OSBPL10: variants seen among roughly 807,000 people sequenced by gnomAD.
OSBPL10 encodes the protein oxysterol-binding protein-related protein 10.
Under a neutral mutation model 81.7 loss-of-function variants are expected in OSBPL10, and 49 were observed. The observed-to-expected ratio is 0.60, with a 90% CI of 0.48 to 0.76. The LOEUF is 0.76. Ranked by LOEUF, OSBPL10 falls within the 30% of genes least tolerant of loss-of-function variation. The probability of loss-of-function intolerance (pLI) is 0.00; values close to 1 mark genes in which losing one functional copy is unlikely to be tolerated. For synonymous variants in OSBPL10, 419 were observed against 383.6 expected, an observed-to-expected ratio of 1.09 and a Z score of -1.08; for missense variants, 923 against 987.8, an observed-to-expected ratio of 0.93 and a Z score of 0.88.
At chr3:31,780,475 G>T (rs1238322092) in intron 4 of OSBPL10, among the ~76,000 whole-genome samples, 28 of 146,994 alleles carry the variant, frequency 1.9e-4, no homozygotes, top group South Asian at 1.1e-3. Context: ...GATCAGAATA[G>T]AACTAAATGA....
intron 2 of OSBPL10, among the ~76,000 whole-genome samples, chr3:31,993,137 AC>A (rs1352445411): frequency 1.3e-5 from 2 of 151,616 alleles, no homozygotes; most frequent in African/African-American, 2.4e-5. Flanking sequence ...TATTCAAAGA[AC>A]CCTCAAAATG....
At chr3:31,724,554 C>A (rs1197523742) in intron 6 of OSBPL10, among the ~76,000 whole-genome samples, 2 of 152,018 alleles carry the variant, frequency 1.3e-5, no homozygotes, top group East Asian at 3.9e-4. Context: ...AAAAACAACA[C>A]CCACCCAAGA....
chr3:32,009,606 G>A (rs1345438755), intron 2 of OSBPL10, among the ~76,000 whole-genome samples: 1 of 152,154 alleles, frequency 6.6e-6, no homozygotes, highest in African/African-American at 2.4e-5. Context: ...AAAAAGCAAG[G>A]ATGATATTAT....
chr3:31,986,786 G>T (rs183225335), intron 2 of OSBPL10, among the ~76,000 whole-genome samples: 6 of 152,170 alleles, frequency 3.9e-5, no homozygotes, highest in African/African-American at 1.2e-4. Context: ...TGAGATGGGA[G>T]GATTGCCCAG....
At chr3:31,864,943 T>C (rs1472020184) in intron 3 of OSBPL10, among the ~76,000 whole-genome samples, 1 of 151,696 alleles carries the variant, frequency 6.6e-6, no homozygotes, top group Non-Finnish European at 1.5e-5. Context: ...GAACATTAGC[T>C]CCTGCCTTCA....
chr3:31,743,751 G>A lies in OSBPL10; in HGVS notation c.940+4159C>T, dbSNP rs1283368866. Reference sequence around the variant, plus strand: ...TATTTGGTAATGCTTCAGGTAAGACGGGCCTTCCTGCCCATCGAACACTGA... The same window carrying A: ...TATTTGGTAATGCTTCAGGTAAGACAGGCCTTCCTGCCCATCGAACACTGA... On this transcript the variant is annotated intron_variant, in intron 5 of 11. Coordinates refer to ENST00000396556, the MANE Select transcript of OSBPL10 (RefSeq NM_017784.5). Among the ~76,000 whole-genome samples, 4 of 152,140 alleles carry A rather than the reference G, an allele frequency of 2.6e-5. No homozygotes were observed. The East Asian group carries it at 7.7e-4, about 29-fold the overall frequency.
chr3:32,025,246 T>C (rs994170508), intron 2 of OSBPL10, among the ~76,000 whole-genome samples: 3 of 152,244 alleles, frequency 2.0e-5, no homozygotes, highest in Admixed American at 6.5e-5. Context: ...TCTGTGAAGA[T>C]GATCATATCA....
At chr3:31,778,722 T>C (rs1433643493) in intron 4 of OSBPL10, among the ~76,000 whole-genome samples, 1 of 151,972 alleles carries the variant, frequency 6.6e-6, no homozygotes, top group African/African-American at 2.4e-5. Context: ...GGGAAATTCA[T>C]TGCAAAAAAA....
intron 8 of OSBPL10, among the ~76,000 whole-genome samples, chr3:31,682,542 C>T (rs1287597780): frequency 6.6e-6 from 1 of 152,236 alleles, no homozygotes; most frequent in Admixed American, 6.5e-5. Flanking sequence ...TGCCTTACCC[C>T]TCTTTGCCCG....
At position 32,068,533 on chromosome 3, in the gene OSBPL10, C is replaced by T. The variant is rs1363827293; in HGVS notation, n.185+8863G>A. Among the ~76,000 whole-genome samples, 6 of 152,192 alleles carry T rather than the reference C, an allele frequency of 3.9e-5. No individual in the cohort carries two copies. In the South Asian group the frequency reaches 6.2e-4, roughly 16 times the overall value. ...CTGTGTTCTCAAGAACCTAAAACCTCTTCAACTCTCGCCTGACCTAAAATC... is the reference window on the plus strand; with the variant it reads ...CTGTGTTCTCAAGAACCTAAAACCTTTTCAACTCTCGCCTGACCTAAAATC... On this transcript the variant is annotated intron_variant and non_coding_transcript_variant, in intron 1 of 3. Coordinates refer to the OSBPL10 transcript ENST00000479173.
Position 31,661,092 on chromosome 3 carries a change from T to C in OSBPL10, c.*980A>G, listed in dbSNP as rs1403667397. The C allele has an allele frequency of 2.0e-5, 3 of 152,780 alleles. 1 individual carries two copies. The South Asian group carries it at 6.2e-4, about 32-fold the overall frequency. 9.5% of individuals were successfully genotyped at this position (152,780 alleles called of 1,614,324 possible). On this transcript the variant is annotated 3_prime_UTR_variant, in exon 12 of 12. Coordinates refer to ENST00000396556, the MANE Select transcript of OSBPL10 (RefSeq NM_017784.5). ...CTGAAATTTAACTGAAACCATGGAA[T>C]ATTTATGCAGGCGTTATGTATGTTT... is the stretch of plus-strand genomic sequence containing the variant.
intron 1 of OSBPL10, among the ~76,000 whole-genome samples, chr3:32,074,915 C>T (rs960145656): frequency 6.6e-6 from 1 of 152,206 alleles, no homozygotes; most frequent in African/African-American, 2.4e-5. Flanking sequence ...TACCTGCCAA[C>T]TGGACAAGCA....
At chr3:31,818,876 C>T (rs1699915038) in intron 4 of OSBPL10, among the ~76,000 whole-genome samples, 1 of 152,210 alleles carries the variant, frequency 6.6e-6, no homozygotes, top group Non-Finnish European at 1.5e-5. Flanking sequence ...ACTGGCCTCC[C>T]CCCACTCCAC....
At chr3:31,797,766 A>G (rs767639403) in intron 4 of OSBPL10, 3 of 456,314 alleles carry the variant, frequency 6.6e-6, no homozygotes, top group South Asian at 3.1e-5. Flanking sequence ...AGAAAGATCA[A>G]CTGGGTTTGA....
intron 3 of OSBPL10, among the ~76,000 whole-genome samples, chr3:31,851,655 G>C (rs1246923909): frequency 6.6e-6 from 1 of 152,178 alleles, no homozygotes; most frequent in African/African-American, 2.4e-5. Context: ...CAGAGCACAG[G>C]GGAATAAAAT....
intron 3 of OSBPL10, among the ~76,000 whole-genome samples, chr3:31,837,324 TATATATATATATATA>T: frequency 3.0e-4 from 1 of 3,344 alleles, no homozygotes; most frequent in Non-Finnish European, 5.9e-4. Context: ...CCCCAAATTA[TATATATATATATATA>T]TATATATATA....
Position 31,862,213 on chromosome 3 carries a change from C to A in OSBPL10, c.537+14220G>T, listed in dbSNP as rs78875170. 3.1e-3 allele frequency among the ~76,000 whole-genome samples: 470 copies of A among 152,196 alleles called. 2 individuals are homozygous for A. Among genetic ancestry groups the A allele is most frequent in the African/African-American group, 0.011 (455 of 41,514 alleles). ...ATTTTTTTAAAGAAAAAAATAGCAC[C>A]TGCCTTTTGATGGGAATGCTGACAG... is the stretch of plus-strand genomic sequence containing the variant. On this transcript the variant is annotated intron_variant, in intron 3 of 11. Coordinates refer to ENST00000396556, the MANE Select transcript of OSBPL10 (RefSeq NM_017784.5).
chr3:32,000,897 G>A (rs1408334945), intron 2 of OSBPL10, among the ~76,000 whole-genome samples: 2 of 152,144 alleles, frequency 1.3e-5, no homozygotes. Context: ...AAACCAGAAA[G>A]CTTAGAGACA....
chr3:31,915,003 C>T (rs990275485), intron 1 of OSBPL10, among the ~76,000 whole-genome samples: 19 of 152,012 alleles, frequency 1.2e-4, no homozygotes, highest in Non-Finnish European at 2.1e-4. Context: ...CTCACTCTGT[C>T]GCCCAAGCTC....
Sources: allele counts gnomAD v4.1 joint callset (sites outside exome capture counted in the v4.1 genomes callset), GRCh38; gene constraint gnomAD v4.1.1; transcripts MANE v1.5; gene names NCBI Gene and HGNC (gene_info 2026-07-23, HGNC 2026-07-21).